TYRO3: variants seen among roughly 807,000 people sequenced by gnomAD.
TYRO3 encodes the protein tyrosine-protein kinase receptor TYRO3.
A neutral mutation model predicts 95.2 loss-of-function variants in TYRO3; 38 were observed. The observed-to-expected ratio is 0.40, with a 90% CI of 0.31 to 0.52. The LOEUF is 0.52. Ranked by LOEUF, TYRO3 falls within the 20% of genes least tolerant of loss-of-function variation. TYRO3 has a pLI of 0.56. For missense variants in TYRO3, 812 were observed against 1,116.4 expected (o/e 0.73, Z 3.89); for synonymous variants, 367 against 432.9 (o/e 0.85, Z 1.89).
chr15:41,571,996 T>TA (rs111436611), intron 14 of TYRO3, among the ~76,000 whole-genome samples: 35,435 of 143,286 alleles, frequency 0.25, 4,597 homozygotes, highest in Middle Eastern at 0.33. Context: ...CACCTCTATT[T>TA]AAAAAAAAAA....
chr15:41,560,433 G>GCGCA (rs2055636914), intron 1 of TYRO3, among the ~76,000 whole-genome samples: 1 of 83,560 alleles, frequency 1.2e-5, no homozygotes, highest in Non-Finnish European at 2.9e-5. Flanking sequence ...GTGTGTGCGC[G>GCGCA]CGCGCGCGCG....
chr15:41,573,535 G>T, intron 17 of TYRO3, 68 bp downstream of exon 17: 1 of 1,573,722 alleles, frequency 6.4e-7, no homozygotes, highest in Non-Finnish European at 8.7e-7. Flanking sequence ...ATCCTTAAGG[G>T]CCTAGCCAAG....
chr15:41,572,886 C>T (rs1390691915), intron 15 of TYRO3, 116 bp from the exon 16 acceptor site: 26 of 820,252 alleles, frequency 3.2e-5, no homozygotes, highest in Non-Finnish European at 5.0e-5. Flanking sequence ...CCATCCCCTT[C>T]CTTCCTTCCA....
In TYRO3 at chr15:41,559,217, C is replaced by T. The variant is rs1344768726; in HGVS notation, c.-41C>T. On this transcript the variant is annotated 5_prime_UTR_variant, in exon 1 of 19. Transcript: ENST00000263798. Reference sequence around the variant, plus strand: ...CCTCCTCCCCGCCCTCCTCCCTCCTCGCTCGCGGGCCGGGCCCGGCATGGT... The same window carrying T: ...CCTCCTCCCCGCCCTCCTCCCTCCTTGCTCGCGGGCCGGGCCCGGCATGGT... 3.2e-6 allele frequency: 1 copy of T among 310,534 alleles called. No homozygotes were observed. Among genetic ancestry groups the T allele is most frequent in the Non-Finnish European group, 5.7e-6 (1 of 175,576 alleles). The allele number at this position is 310,534 out of a possible 1,614,324, so 19.2% of individuals were successfully genotyped here.
chr15:41,563,969 A>G (rs546685534), intron 4 of TYRO3, among the ~76,000 whole-genome samples: 2 of 152,284 alleles, frequency 1.3e-5, no homozygotes, highest in African/African-American at 4.8e-5. Context: ...TGATTCTCAC[A>G]ATTCTCCCAT....
intron 6 of TYRO3, among the ~76,000 whole-genome samples, chr15:41,567,014 G>A (rs1479874637): frequency 6.6e-6 from 1 of 152,096 alleles, no homozygotes; most frequent in Admixed American, 6.5e-5. Flanking sequence ...CACAGTAAGT[G>A]GTAAGTATAC....
rs773701750 is a variant in TYRO3 at position 41,561,632 on chromosome 15, G to A, written c.402G>A (p.Thr134=). The A allele has an allele frequency of 7.0e-6, 11 of 1,575,242 alleles. No individual in the cohort carries two copies. Among genetic ancestry groups the A allele is most frequent in the East Asian group, 2.3e-5 (1 of 42,656 alleles). The change falls in exon 3 of 19, where the codon ACG becomes ACA. Residue 134 remains threonine, a synonymous_variant. Coordinates refer to ENST00000263798, the MANE Select transcript of TYRO3 (RefSeq NM_006293.4). The part of the protein sequence containing the change: ...ETEISQPVWL[T]VEGVPFFTVE... ...AGATCTCCCAGCCAGTGTGGCTCAC[G>A]GTAGAAGGTGAGGAGGCAGAGCCAT...
chr15:41,573,956 T>C (rs1215127407), intron 18 of TYRO3, 141 bp downstream of exon 18: 2 of 886,620 alleles, frequency 2.3e-6, no homozygotes, highest in South Asian at 1.7e-5. Context: ...CTCCACCTCA[T>C]ACTCACTGTT....
chr15:41,564,317 C>A (rs756213024), intron 5 of TYRO3, 47 bp downstream of exon 5: 4 of 1,559,058 alleles, frequency 2.6e-6, no homozygotes, highest in Admixed American at 3.3e-5. Context: ...CAGGGGCATT[C>A]CCAGCGAGCT....
intron 6 of TYRO3, among the ~76,000 whole-genome samples, chr15:41,566,912 TG>T (rs2055731242): frequency 6.6e-6 from 1 of 152,068 alleles, no homozygotes. Flanking sequence ...GCCCCCAAAA[TG>T]TAAGATGAAG....
chr15:41,564,758 C>T (rs530330376), intron 5 of TYRO3: 23 of 471,184 alleles, frequency 4.9e-5, no homozygotes, highest in African/African-American at 4.1e-4. Context: ...CCCCCACATA[C>T]CCTCTCATCT....
chr15:41,574,321 C>G (rs560253344), intron 18 of TYRO3, among the ~76,000 whole-genome samples: 4 of 152,328 alleles, frequency 2.6e-5, no homozygotes, highest in African/African-American at 9.6e-5. Context: ...CCTCTTCTTT[C>G]TGCAAGCCCA....
intron 16 of TYRO3, 90 bp from the exon 17 acceptor site, chr15:41,573,218 G>A: frequency 6.6e-7 from 1 of 1,506,030 alleles, no homozygotes; most frequent in Non-Finnish European, 9.1e-7. Flanking sequence ...CATGGGGGTA[G>A]CTTGGGAGCA....
intron 18 of TYRO3, 130 bp from the exon 19 acceptor site, chr15:41,577,756 G>C: frequency 1.0e-6 from 1 of 957,544 alleles, no homozygotes; most frequent in Non-Finnish European, 1.5e-6. Context: ...AAAGTGTTGA[G>C]ATTACAGATG....
At chr15:41,569,477 AC>A (rs2055767990) in intron 9 of TYRO3, among the ~76,000 whole-genome samples, 1 of 151,090 alleles carries the variant, frequency 6.6e-6, no homozygotes. Context: ...CTCTAAAGAA[AC>A]AAACAAATAA....
At chr15:41,560,428 T>TGCGCGCGC (rs150653270) in intron 1 of TYRO3, among the ~76,000 whole-genome samples, 19 of 135,256 alleles carry the variant, frequency 1.4e-4, no homozygotes, top group African/African-American at 5.1e-4. Context: ...TGTGTGTGTG[T>TGCGCGCGC]GCGCGCGCGC....
chr15:41,559,325 T>C lies in TYRO3; in HGVS notation c.68T>C (p.Leu23Pro). ...CTGCCGCTGCCGCCGCCACCGCGGC[T>C]CGGGCTGCTGCTGGCGGCTCTGGCT... ...PPLPLPPPPR[L>P]GLLLAALASL... Residue 23 changes from leucine to proline, a missense_variant, in exon 1 of 19, where the codon CTC (leucine) becomes CCC (proline). Leu to Pro is a moderately conservative substitution (Grantham distance 98, BLOSUM62 -3). Transcript: ENST00000263798. 2.3e-6 allele frequency: 1 copy of C among 438,044 alleles called. No individual in the cohort carries two copies. Among genetic ancestry groups the C allele is most frequent in the Non-Finnish European group, 3.7e-6 (1 of 273,154 alleles). The allele number at this position is 438,044 out of a possible 1,614,324, so 27.1% of individuals were successfully genotyped here. A position where few individuals can be genotyped will look rare whatever the true frequency, so the allele number is the denominator to read the frequency against.
chr15:41,571,001 G>C, intron 12 of TYRO3, 37 bp from the exon 13 acceptor site: 1 of 1,604,902 alleles, frequency 6.2e-7, no homozygotes, highest in African/African-American at 1.3e-5. Context: ...GGAGCAGAGA[G>C]CCAAGGAGAC....
At chr15:41,576,703 A>G (rs1663300505) in intron 18 of TYRO3, among the ~76,000 whole-genome samples, 1 of 134,026 alleles carries the variant, frequency 7.5e-6, no homozygotes, top group South Asian at 2.5e-4. Context: ...TCGCTCTGAC[A>G]GCCAGGCTGG....
Sources: gnomAD v4.1 joint callset for allele counts (sites outside exome capture counted in the v4.1 genomes callset) on GRCh38, gnomAD v4.1.1 for gene constraint, MANE v1.5 for transcripts, NCBI Gene and HGNC (gene_info 2026-07-23, HGNC 2026-07-21) for gene names.